The following MAML3 variants were observed in gnomAD, a reference collection of about 807,000 sequenced individuals.
MAML3 encodes mastermind-like protein 3.
A neutral mutation model predicts 101.9 loss-of-function variants in MAML3; 27 were observed. The ratio of observed to expected loss-of-function variants is 0.27; its 90% CI spans 0.20 to 0.37. The LOEUF (loss-of-function observed/expected upper bound fraction) is 0.37. Ranked by LOEUF, MAML3 falls within the 10% of genes least tolerant of loss-of-function variation. The pLI, the probability that MAML3 is intolerant of heterozygous loss-of-function variation, is 1.00. For synonymous variants in MAML3, 501 were observed against 555.9 expected (o/e 0.90, Z 1.39); for missense variants, 1,316 against 1,444.9 (o/e 0.91, Z 1.45).
intron 2 of MAML3, among the ~76,000 whole-genome samples, chr4:139,870,435 T>C (rs1371194176): frequency 6.6e-6 from 1 of 152,248 alleles, no homozygotes; most frequent in Non-Finnish European, 1.5e-5. Flanking sequence ...TTCTAGCAGA[T>C]GAGAATAACT....
intron 1 of MAML3, among the ~76,000 whole-genome samples, chr4:140,074,975 G>A (rs1470028138): frequency 2.6e-5 from 4 of 152,144 alleles, no homozygotes. Flanking sequence ...TTATATATAT[G>A]CAAATATTCC....
At chr4:139,876,130 A>G (rs1177400609) in intron 2 of MAML3, among the ~76,000 whole-genome samples, 2 of 149,424 alleles carry the variant, frequency 1.3e-5, no homozygotes, top group Non-Finnish European at 3.0e-5. Context: ...ACTTGGTATG[A>G]AAAAAAAAGT....
intron 1 of MAML3, among the ~76,000 whole-genome samples, chr4:140,010,012 A>G (rs1347837597): frequency 2.0e-5 from 3 of 152,232 alleles, no homozygotes; most frequent in Non-Finnish European, 4.4e-5. Context: ...GTGTGGAAAT[A>G]GGCATTGCTT....
At chr4:140,128,498 TG>T (rs1291448559) in intron 1 of MAML3, among the ~76,000 whole-genome samples, 2 of 152,246 alleles carry the variant, frequency 1.3e-5, no homozygotes, top group Non-Finnish European at 2.9e-5. Flanking sequence ...ACTTGGGTTC[TG>T]TTAGGGAATG....
At chr4:139,933,068 T>C (rs1733433521) in intron 1 of MAML3, among the ~76,000 whole-genome samples, 1 of 151,564 alleles carries the variant, frequency 6.6e-6, no homozygotes, top group South Asian at 2.1e-4. Flanking sequence ...TGAGTCACAT[T>C]CGAAAGCCAA....
intron 1 of MAML3, among the ~76,000 whole-genome samples, chr4:139,953,184 G>A (rs998524601): frequency 3.9e-5 from 6 of 152,168 alleles, no homozygotes; most frequent in Middle Eastern, 3.2e-3. Flanking sequence ...GGAAGAAAAC[G>A]CTAGAAAATA....
intron 2 of MAML3, among the ~76,000 whole-genome samples, chr4:139,752,219 A>G (rs1309464925): frequency 1.3e-5 from 2 of 152,234 alleles, no homozygotes; most frequent in African/African-American, 4.8e-5. Flanking sequence ...ACTACTAGAA[A>G]GAAAGAAAAA....
rs556141186 is a variant in MAML3 at position 139,887,445 on chromosome 4, C to T, written c.2079+1912G>A. On this transcript the variant is annotated intron_variant, in intron 2 of 4. Transcript: ENST00000509479. ...ACAGATTTAATCCAGAAAAACATCA[C>T]TTTGCTTCTTCAGCTGACTGAGCTC... is the stretch of plus-strand genomic sequence containing the variant. 4.8e-4 allele frequency among the ~76,000 whole-genome samples: 73 copies of T among 152,340 alleles called. 1 individual carries two copies. In the South Asian group the frequency reaches 0.015, roughly 31 times the overall value.
intron 2 of MAML3, among the ~76,000 whole-genome samples, chr4:139,832,315 T>C (rs1216108638): frequency 1.3e-5 from 2 of 151,294 alleles, no homozygotes; most frequent in African/African-American, 4.9e-5. Context: ...TTTTGCGATG[T>C]TGCCTAGGCT....
chr4:140,060,320 C>T lies in MAML3; in HGVS notation c.468+92540G>A, dbSNP rs187623614. Among the ~76,000 whole-genome samples the T allele has an allele frequency of 1.7e-4, 23 of 135,148 alleles. No individual in the cohort carries two copies. The East Asian group carries it at 4.5e-3, about 27-fold the overall frequency. The allele number at this position is 135,148 out of a possible 152,430, so 88.7% of individuals were successfully genotyped here. A position where few individuals can be genotyped will look rare whatever the true frequency, so the allele number is the denominator to read the frequency against. ...GGGGGAGGTTGCAGTGAGCTGAGATCGTGCCGTTGCACTCCAGCCTGGGCG... is the reference window on the plus strand; with the variant it reads ...GGGGGAGGTTGCAGTGAGCTGAGATTGTGCCGTTGCACTCCAGCCTGGGCG... On this transcript the variant is annotated intron_variant, in intron 1 of 4. Transcript: ENST00000509479.
intron 1 of MAML3, among the ~76,000 whole-genome samples, chr4:139,981,698 G>T (rs945336213): frequency 2.6e-5 from 4 of 152,016 alleles, no homozygotes; most frequent in African/African-American, 9.7e-5. Flanking sequence ...GCTCCTCTTG[G>T]CAGGGACAGT....
At chr4:139,987,747 C>A (rs1474109720) in intron 1 of MAML3, among the ~76,000 whole-genome samples, 1 of 152,012 alleles carries the variant, frequency 6.6e-6, no homozygotes, top group African/African-American at 2.4e-5. Context: ...TGGCTGGGCC[C>A]CGTGGCTCAC....
intron 1 of MAML3, among the ~76,000 whole-genome samples, chr4:139,998,680 A>G (rs1734865700): frequency 6.6e-6 from 1 of 152,164 alleles, no homozygotes; most frequent in South Asian, 2.1e-4. Context: ...GACATTAAAG[A>G]TGATACAATG....
At chr4:140,025,052 G>T (rs1198979637) in intron 1 of MAML3, among the ~76,000 whole-genome samples, 1 of 152,154 alleles carries the variant, frequency 6.6e-6, no homozygotes, top group African/African-American at 2.4e-5. Context: ...TGTGTTAATG[G>T]GGGAGAGTGA....
chr4:140,135,995 C>T (rs1728876557), intron 1 of MAML3, among the ~76,000 whole-genome samples: 1 of 152,058 alleles, frequency 6.6e-6, no homozygotes, highest in Non-Finnish European at 1.5e-5. Flanking sequence ...ATTCAAGGAA[C>T]AAAAGACTTA....
At chr4:140,034,414 A>G (rs1230140357) in intron 1 of MAML3, among the ~76,000 whole-genome samples, 3 of 152,230 alleles carry the variant, frequency 2.0e-5, no homozygotes, top group African/African-American at 4.8e-5. Flanking sequence ...CTTGAAAAAG[A>G]GATGGAGTTG....
At chr4:140,014,673 T>G (rs1352627383) in intron 1 of MAML3, among the ~76,000 whole-genome samples, 1 of 152,230 alleles carries the variant, frequency 6.6e-6, no homozygotes, top group African/African-American at 2.4e-5. Flanking sequence ...AGAGTAAATC[T>G]GTGTGAATTA....
At chr4:140,046,546 C>T (rs1727185827) in intron 1 of MAML3, among the ~76,000 whole-genome samples, 1 of 152,274 alleles carries the variant, frequency 6.6e-6, no homozygotes, top group East Asian at 1.9e-4. Context: ...AGTTTGAAAA[C>T]CTGGCGAATT....
intron 1 of MAML3, among the ~76,000 whole-genome samples, chr4:140,080,224 G>A (rs953057800): frequency 2.0e-5 from 3 of 152,244 alleles, no homozygotes; most frequent in African/African-American, 4.8e-5. Flanking sequence ...GAGGGAGCTT[G>A]AAGGAGCTAG....
Sources: allele counts gnomAD v4.1 joint callset (sites outside exome capture counted in the v4.1 genomes callset), GRCh38; gene constraint gnomAD v4.1.1; transcripts MANE v1.5; gene names NCBI Gene and HGNC (gene_info 2026-07-23, HGNC 2026-07-21).